Variants in CEP57L1 observed in about 807,000 individuals in gnomAD.
The protein encoded by CEP57L1 is centrosomal protein 57 like 1.
In CEP57L1, 37 loss-of-function variants were observed where a neutral mutation model predicts 61.0. The observed-to-expected ratio is 0.61, with a 90% confidence interval of 0.47 to 0.80. The LOEUF (loss-of-function observed/expected upper bound fraction) is 0.80. Among genes scored for constraint, CEP57L1 ranks in the 30% least tolerant of loss-of-function variants. CEP57L1 has a pLI of 0.00. For missense variants in CEP57L1, 422 were observed against 524.7 expected (o/e 0.80, Z 1.91); for synonymous variants, 137 against 162.3 (o/e 0.84, Z 1.19).
At position 109,155,232 on chromosome 6, in the gene CEP57L1, C is replaced by A. The variant is rs351733; in HGVS notation, c.582C>A (p.Asp194Glu). 4,579 of 1,557,776 alleles carry A rather than the reference C, an allele frequency of 2.9e-3. 101 individuals are homozygous for A. In the African/African-American group the frequency reaches 0.049, roughly 17 times the overall value. ...TCTTAGTTTTTACTCTTTTGCAGGA[C>A]AAGATTAAACATTTAGAAGAAAAAC... ...RLTTTQKTAEDKIKHLEEKLK... is the reference protein window; with the variant it reads ...RLTTTQKTAEEKIKHLEEKLK... The change falls in exon 6 of 11, where the codon GAC becomes GAA. Residue 194 changes from aspartate (D) to glutamate (E), a missense_variant and splice_region_variant. Asp to Glu is a conservative substitution (Grantham distance 45). Coordinates refer to ENST00000517392, the MANE Select transcript of CEP57L1 (RefSeq NM_001271852.3).
intron 9 of CEP57L1, among the ~76,000 whole-genome samples, chr6:109,159,904 C>T (rs1489250367): frequency 6.6e-6 from 1 of 152,096 alleles, no homozygotes. Context: ...AAGACAGGCT[C>T]TCCTTTTGTG....
In CEP57L1 at chr6:109,167,776, A is replaced by G. The variant is rs1774205112; in HGVS notation, c.*4806A>G. Among the ~76,000 whole-genome samples the G allele has an allele frequency of 1.3e-5, 2 of 152,210 alleles. No homozygotes were observed. Among genetic ancestry groups the G allele is most frequent in the Non-Finnish European group, 2.9e-5 (2 of 68,034 alleles). ...GGTTCCACCAACTGTGGGCACCAGAATGGTGCTTTCTTTGATACTATGCTA... is the reference window on the plus strand; with the variant it reads ...GGTTCCACCAACTGTGGGCACCAGAGTGGTGCTTTCTTTGATACTATGCTA... On this transcript the variant is annotated 3_prime_UTR_variant, in exon 11 of 11. Coordinates refer to ENST00000517392, the MANE Select transcript of CEP57L1 (RefSeq NM_001271852.3).
rs578035650 is a variant in CEP57L1, at chr6:109,166,719, A to C, written c.*3749A>C. Among the ~76,000 whole-genome samples, 1 of 152,348 alleles carries C rather than the reference A, an allele frequency of 6.6e-6. No individual in the cohort carries two copies. Among genetic ancestry groups the C allele is most frequent in the African/African-American group, 2.4e-5 (1 of 41,588 alleles). On this transcript the variant is annotated 3_prime_UTR_variant, in exon 11 of 11. Coordinates refer to ENST00000517392, the MANE Select transcript of CEP57L1 (RefSeq NM_001271852.3). ...TCTTATCCATGATAAGAGATCAAAA[A>C]TTAAATAAAAATTTTACTTGTAATG...
intron 1 of CEP57L1, among the ~76,000 whole-genome samples, chr6:109,099,222 A>G (rs551249133): frequency 1.3e-4 from 20 of 152,254 alleles, no homozygotes; most frequent in African/African-American, 3.6e-4. Context: ...TAGTGTTTTG[A>G]TAGGAGTTGT....
intron 4 of CEP57L1, among the ~76,000 whole-genome samples, chr6:109,151,567 A>G (rs1772620938): frequency 6.6e-6 from 1 of 152,174 alleles, no homozygotes; most frequent in East Asian, 1.9e-4. Flanking sequence ...CAAATGGTCA[A>G]TTATCCTTTC....
chr6:109,109,760 A>G (rs1771365094), intron 1 of CEP57L1, among the ~76,000 whole-genome samples: 2 of 151,948 alleles, frequency 1.3e-5, no homozygotes, highest in South Asian at 2.1e-4. Context: ...TCATCGTTCA[A>G]CTCCCACTTA....
chr6:109,101,871 G>C (rs540387728), intron 1 of CEP57L1, among the ~76,000 whole-genome samples: 2 of 151,618 alleles, frequency 1.3e-5, no homozygotes, highest in South Asian at 4.2e-4. Context: ...CGCCCGCCTC[G>C]GCCTCCCAAA....
chr6:109,120,110 G>T (rs1458747374), intron 1 of CEP57L1, among the ~76,000 whole-genome samples: 1 of 152,148 alleles, frequency 6.6e-6, no homozygotes, highest in Non-Finnish European at 1.5e-5. Flanking sequence ...GTCTTAAACA[G>T]GTAGTCATAT....
intron 1 of CEP57L1, among the ~76,000 whole-genome samples, chr6:109,123,359 C>T (rs550245524): frequency 6.6e-6 from 1 of 152,182 alleles, no homozygotes; most frequent in Non-Finnish European, 1.5e-5. Context: ...TACCTGGGTT[C>T]AAATCCCAGC....
intron 1 of CEP57L1, among the ~76,000 whole-genome samples, chr6:109,109,117 A>G (rs777312448): frequency 6.6e-6 from 1 of 152,224 alleles, no homozygotes; most frequent in Non-Finnish European, 1.5e-5. Context: ...TATCAATTAC[A>G]TGTCTCATAA....
At chr6:109,122,401 T>C (rs537142038) in intron 1 of CEP57L1, among the ~76,000 whole-genome samples, 48 of 152,300 alleles carry the variant, frequency 3.2e-4, no homozygotes, top group African/African-American at 1.1e-3. Context: ...TTTGTTGTTC[T>C]GGCTTTACAT....
chr6:109,138,202 G>A lies in CEP57L1; in HGVS notation c.-3-7017G>A, dbSNP rs144421728. ...CTTGAGCTTTTTCTCTGAGTAAGAC[G>A]TGAAGCCATTTTGAGAGTTTTGAGC... On this transcript the variant is annotated intron_variant, in intron 1 of 10. Transcript: ENST00000517392. Among the ~76,000 whole-genome samples, 12 of 152,266 alleles carry A rather than the reference G, an allele frequency of 7.9e-5. No homozygotes were observed. In the East Asian group the frequency reaches 1.9e-3, roughly 25 times the overall value.
chr6:109,107,458 G>A (rs1771078705), intron 1 of CEP57L1, among the ~76,000 whole-genome samples: 1 of 152,058 alleles, frequency 6.6e-6, no homozygotes, highest in Non-Finnish European at 1.5e-5. Context: ...TCTAAAGCCT[G>A]AAAAACATGC....
intron 1 of CEP57L1, among the ~76,000 whole-genome samples, chr6:109,143,285 T>G (rs1238450406): frequency 6.6e-6 from 1 of 152,212 alleles, no homozygotes; most frequent in Non-Finnish European, 1.5e-5. Flanking sequence ...TTAAGGCTTT[T>G]ATTTTGGATC....
In CEP57L1 at chr6:109,167,945, A is replaced by G. The variant is rs1448795102; in HGVS notation, c.*4975A>G. Among the ~76,000 whole-genome samples the G allele has an allele frequency of 6.6e-6, 1 of 152,244 alleles. No individual in the cohort carries two copies. Among genetic ancestry groups the G allele is most frequent in the African/African-American group, 2.4e-5 (1 of 41,472 alleles). On this transcript the variant is annotated 3_prime_UTR_variant, in exon 11 of 11. Transcript: ENST00000517392. ...ATGGAATTCCGTTTTCAAGTTGCTT[A>G]TAGTCTTGAGGAGAGATAAGATGTA...
At position 109,135,295 on chromosome 6, in the gene CEP57L1, CA is replaced by C. The variant is rs550219138; in HGVS notation, c.-3-9919del. 3.4e-3 allele frequency among the ~76,000 whole-genome samples: 515 copies of C among 151,444 alleles called. 1 individual carries two copies. The highest frequency in any genetic ancestry group is 0.01 in the African/African-American group (414 of 40,894). On this transcript the variant is annotated intron_variant, in intron 1 of 10. Coordinates refer to ENST00000517392, the MANE Select transcript of CEP57L1 (RefSeq NM_001271852.3). Reference sequence around the variant, plus strand: ...ACTATGTGATCTTTGACAAACCTGACAAAAACAAGAAATGGGGAAAGGATTC... The same window carrying C: ...ACTATGTGATCTTTGACAAACCTGACAAAACAAGAAATGGGGAAAGGATTC...
At chr6:109,120,387 G>T (rs150805306) in intron 1 of CEP57L1, among the ~76,000 whole-genome samples, 2 of 152,096 alleles carry the variant, frequency 1.3e-5, no homozygotes, top group African/African-American at 4.8e-5. Context: ...CAGTTGATGC[G>T]TATGATAGGA....
rs1306804795 is a variant in CEP57L1, at chr6:109,136,103, G to A, written c.-3-9116G>A. Among the ~76,000 whole-genome samples the A allele has an allele frequency of 6.6e-4, 101 of 152,310 alleles. 1 individual carries two copies. Among genetic ancestry groups the A allele is most frequent in the Non-Finnish European group, 2.4e-4 (16 of 68,032 alleles). ...GGATTATAAATCATTCTGCTACAAAGACACATGCACACGTATGTTTATTGC... is the reference window on the plus strand; with the variant it reads ...GGATTATAAATCATTCTGCTACAAAAACACATGCACACGTATGTTTATTGC... On this transcript the variant is annotated intron_variant, in intron 1 of 10. Transcript: ENST00000517392.
chr6:109,129,937 ACTT>A (rs1192897700), intron 1 of CEP57L1, among the ~76,000 whole-genome samples: 2 of 152,010 alleles, frequency 1.3e-5, no homozygotes, highest in East Asian at 3.9e-4. Flanking sequence ...ATTAACCTAA[ACTT>A]CTCTTTCAAA....
Sources: gnomAD v4.1 joint callset for allele counts (sites outside exome capture counted in the v4.1 genomes callset) on GRCh38, gnomAD v4.1.1 for gene constraint, MANE v1.5 for transcripts, NCBI Gene and HGNC (gene_info 2026-07-23, HGNC 2026-07-21) for gene names.